The following MIER1 variants were observed in gnomAD, a reference collection of about 807,000 sequenced individuals.
MIER1 encodes MIER1 transcriptional regulator.
Under a neutral mutation model 75.7 loss-of-function variants are expected in MIER1, and 40 were observed. That is an observed-to-expected ratio of 0.53 (90% CI 0.41 to 0.69). The LOEUF (loss-of-function observed/expected upper bound fraction) is 0.69. MIER1 is among the 30% of genes least tolerant of loss of function. The pLI, the probability that MIER1 is intolerant of heterozygous loss-of-function variation, is 0.00. For missense variants in MIER1, 574 were observed against 680.2 expected (o/e 0.84, Z 1.74); for synonymous variants, 213 against 223.4 (o/e 0.95, Z 0.42).
At chr1:66,970,528 T>C (rs1483763538) in intron 8 of MIER1, among the ~76,000 whole-genome samples, 8 of 152,144 alleles carry the variant, frequency 5.3e-5, no homozygotes, top group Admixed American at 5.2e-4. Context: ...TAATAAGTGG[T>C]AGAGATGGTA....
chr1:66,976,632 A>G lies in MIER1; in HGVS notation c.1139A>G (p.Tyr380Cys), dbSNP rs1428774222. 1.2e-6 allele frequency: 2 copies of G among 1,607,688 alleles called. No homozygotes were observed. The highest frequency in any genetic ancestry group is 1.7e-6 in the Non-Finnish European group (2 of 1,177,382). ...TCAGTTGGTGAATGTGTAGCATTCT[A>G]TTACATGTGGAAAAAATCTGAACGT... ...TRSVGECVAF[Y>C]YMWKKSERYD... The change falls in exon 12 of 14, where the codon TAT becomes TGT. Residue 380 changes from tyrosine (Y) to cysteine (C), a missense_variant. Transcript: ENST00000401041.
At chr1:66,930,496 C>A in intron 2 of MIER1, 1 of 1,302,114 alleles carries the variant, frequency 7.7e-7, no homozygotes, top group Non-Finnish European at 1.1e-6. Context: ...AGAGGCCCGG[C>A]CCTGCTGGCG....
intron 1 of MIER1, 149 bp downstream of exon 1, chr1:66,925,244 C>CCG: frequency 7.4e-7 from 1 of 1,355,398 alleles, no homozygotes; most frequent in Admixed American, 3.8e-5. Flanking sequence ...GGAGGGGCTG[C>CCG]CGCAGAACGC....
intron 4 of MIER1, among the ~76,000 whole-genome samples, chr1:66,954,620 G>T (rs1213239190): frequency 1.3e-5 from 2 of 152,048 alleles, no homozygotes; most frequent in African/African-American, 4.8e-5. Context: ...CTGTGATCAG[G>T]CTACTTTTGA....
At chr1:66,931,027 A>G (rs1389087925) in intron 2 of MIER1, among the ~76,000 whole-genome samples, 1 of 147,458 alleles carries the variant, frequency 6.8e-6, no homozygotes, top group Non-Finnish European at 1.5e-5. Flanking sequence ...CTGCTTTTCC[A>G]CCTCCCCCCA....
chr1:66,928,141 A>G (rs1308522065), intron 2 of MIER1, among the ~76,000 whole-genome samples: 2 of 152,100 alleles, frequency 1.3e-5, no homozygotes, highest in South Asian at 2.1e-4. Flanking sequence ...GGAAGGGGAA[A>G]AATGTAGAGA....
At chr1:66,980,427 A>G (rs1023829885) in intron 12 of MIER1, among the ~76,000 whole-genome samples, 6 of 152,222 alleles carry the variant, frequency 3.9e-5, no homozygotes, top group African/African-American at 1.2e-4. Flanking sequence ...ACCTCAGACT[A>G]TTAGAAGTTT....
intron 2 of MIER1, among the ~76,000 whole-genome samples, chr1:66,932,008 C>A (rs1385977084): frequency 6.6e-6 from 1 of 151,858 alleles, no homozygotes; most frequent in Non-Finnish European, 1.5e-5. Context: ...AGGAAAATAG[C>A]TTATACAGAG....
At chr1:66,941,981 A>AAAC (rs1558035815) in intron 3 of MIER1, among the ~76,000 whole-genome samples, 1 of 151,838 alleles carries the variant, frequency 6.6e-6, no homozygotes, top group Non-Finnish European at 1.5e-5. Flanking sequence ...AAAAAAAAAA[A>AAAC]AAAAAACAGT....
In MIER1 at chr1:66,985,844, C is replaced by G; in HGVS notation, c.*944C>G. On this transcript the variant is annotated 3_prime_UTR_variant, in exon 14 of 14. Coordinates refer to ENST00000401041, the MANE Select transcript of MIER1 (RefSeq NM_001077700.3). ...TTTTTTTTTTTTTTTTTTTAAATTTCTACTTAAGGGCAAGTAATTTGAGAA... is the reference window on the plus strand; with the variant it reads ...TTTTTTTTTTTTTTTTTTTAAATTTGTACTTAAGGGCAAGTAATTTGAGAA... 5.9e-6 allele frequency: 3 copies of G among 510,640 alleles called. No individual in the cohort carries two copies. Among genetic ancestry groups the G allele is most frequent in the Non-Finnish European group, 7.1e-6 (3 of 425,122 alleles). The allele number at this position is 510,640 out of a possible 1,614,324, so 31.6% of individuals were successfully genotyped here.
At chr1:66,958,272 T>C (rs778626056) in intron 5 of MIER1, 52 bp downstream of exon 5, 15 of 1,233,466 alleles carry the variant, frequency 1.2e-5, no homozygotes, top group Non-Finnish European at 1.5e-5. Flanking sequence ...TTGTTGAAGT[T>C]AAAATTGCTT....
intron 2 of MIER1, among the ~76,000 whole-genome samples, chr1:66,936,932 G>A (rs184748942): frequency 8.9e-5 from 13 of 145,546 alleles, no homozygotes; most frequent in African/African-American, 3.1e-4. Context: ...CCAGAAGGCC[G>A]AGATTGCAGT....
At position 66,985,901 on chromosome 1, in the gene MIER1, G is replaced by A. The variant is rs1666720661; in HGVS notation, c.*1001G>A. The A allele has an allele frequency of 1.0e-6, 1 of 972,838 alleles. No individual in the cohort carries two copies. The highest frequency in any genetic ancestry group is 4.8e-5 in the South Asian group (1 of 21,014). The allele number at this position is 972,838 out of a possible 1,614,324, so 60.3% of individuals were successfully genotyped here. On this transcript the variant is annotated 3_prime_UTR_variant, in exon 14 of 14. Transcript: ENST00000401041. ...AATTAAGCATGATGCTTAGATTGCA[G>A]TTTGTTTTGCATTTGCTATAATTTT...
At chr1:66,951,222 C>A (rs1454015188) in intron 4 of MIER1, among the ~76,000 whole-genome samples, 1 of 152,134 alleles carries the variant, frequency 6.6e-6, no homozygotes, top group Non-Finnish European at 1.5e-5. Context: ...GTCACCTTCC[C>A]AGGCTCATGT....
chr1:66,950,920 G>T (rs987046752), intron 4 of MIER1, among the ~76,000 whole-genome samples: 3 of 152,060 alleles, frequency 2.0e-5, no homozygotes, highest in African/African-American at 7.2e-5. Flanking sequence ...ATCTTCATTA[G>T]CATTTTATTG....
chr1:66,924,992 G>A lies in MIER1; in HGVS notation c.-37G>A. On this transcript the variant is annotated 5_prime_UTR_variant, in exon 1 of 14. Transcript: ENST00000401041. ...AGGAGGCGGGCGGCCCGGGCCTCAG[G>A]CCCCTCCCAGGCTCTGAGTCTCCCG... 2 of 1,541,362 alleles carry A rather than the reference G, an allele frequency of 1.3e-6. No homozygotes were observed. The highest frequency in any genetic ancestry group is 1.7e-6 in the Non-Finnish European group (2 of 1,144,226).
chr1:66,981,703 G>A lies in MIER1; in HGVS notation c.1230-76G>A, dbSNP rs1418673739. 5 of 1,138,652 alleles carry A rather than the reference G, an allele frequency of 4.4e-6. No homozygotes were observed. The Admixed American group carries it at 1.1e-4, about 25-fold the overall frequency. 70.5% of individuals were successfully genotyped at this position (1,138,652 alleles called of 1,614,324 possible). A position where few individuals can be genotyped will look rare whatever the true frequency, so the allele number is the denominator to read the frequency against. On this transcript the variant is annotated intron_variant, in intron 12 of 13. Coordinates refer to ENST00000401041, the MANE Select transcript of MIER1 (RefSeq NM_001077700.3). The stretch of plus-strand genomic sequence containing the variant: ...ATATTAGGATATATTTGTTAAGAAA[G>A]CCTTCTGAATTTAACCTCAACTAAT...
chr1:66,985,483 A>G lies in MIER1; in HGVS notation c.*583A>G. ...TAAAAATAAACCAGGTCAGGTTTGT[A>G]TATGTAAAATTGTTGACATCAATGA... is the stretch of plus-strand genomic sequence containing the variant. On this transcript the variant is annotated 3_prime_UTR_variant, in exon 14 of 14. Transcript: ENST00000401041. The G allele has an allele frequency of 3.1e-6, 3 of 983,246 alleles. No homozygotes were observed. The highest frequency in any genetic ancestry group is 5.2e-4 in the Middle Eastern group (1 of 1,906). The allele number at this position is 983,246 out of a possible 1,614,324, so 60.9% of individuals were successfully genotyped here.
In MIER1 at chr1:66,946,285, A is replaced by C. The variant is rs1053563679; in HGVS notation, c.329A>C (p.Asp110Ala). The stretch of plus-strand genomic sequence containing the variant: ...ACAAACTTCAGCTCTGAAATAGAAG[A>C]TCTTGCAAGGGTAAATAACATGTAG... ...GETNFSSEIE[D>A]LAREGDMPIH... is the part of the protein sequence containing the mutation. The change falls in exon 4 of 14, where the codon GAT becomes GCT. Residue 110 changes from aspartate (D) to alanine (A), a missense_variant. This residue lies in a region of MIER1 where 309 missense variants were observed against 352.8 expected (regional missense o/e 0.88). Coordinates refer to ENST00000401041, the MANE Select transcript of MIER1 (RefSeq NM_001077700.3). 1 of 1,607,334 alleles carries C rather than the reference A, an allele frequency of 6.2e-7. No individual in the cohort carries two copies. The highest frequency in any genetic ancestry group is 1.7e-5 in the Admixed American group (1 of 57,880).
Sources: gnomAD v4.1 joint callset for allele counts (sites outside exome capture counted in the v4.1 genomes callset) on GRCh38, gnomAD v4.1.1 for gene constraint, gnomAD v4.1.1 regional missense constraint, MANE v1.5 for transcripts, NCBI Gene and HGNC (gene_info 2026-07-23, HGNC 2026-07-21) for gene names.